The following TNKS variants were observed in gnomAD, a reference collection of about 807,000 sequenced individuals.
TNKS encodes the protein poly [ADP-ribose] polymerase tankyrase-1.
Under a neutral mutation model 135.8 loss-of-function variants are expected in TNKS, and 72 were observed. The observed-to-expected ratio is 0.53, with a 90% CI of 0.44 to 0.64. The LOEUF (loss-of-function observed/expected upper bound fraction) is 0.64. Ranked by LOEUF, TNKS falls within the 30% of genes least tolerant of loss-of-function variation. The probability of loss-of-function intolerance (pLI) is 0.00; values close to 1 mark genes in which losing one functional copy is unlikely to be tolerated. For synonymous variants in TNKS, 849 were observed against 649.3 expected, an observed-to-expected ratio of 1.31 and a Z score of -4.68; for missense variants, 1,769 against 1,674.0, an observed-to-expected ratio of 1.06 and a Z score of -0.99.
chr8:9,594,479 GTAGACA>G (rs1585208560), intron 2 of TNKS, among the ~76,000 whole-genome samples: 1 of 152,184 alleles, frequency 6.6e-6, no homozygotes, highest in Non-Finnish European at 1.5e-5. Context: ...AATGGAGAGT[GTAGACA>G]TAGAAATTTT....
At chr8:9,661,529 G>T (rs201287878) in intron 3 of TNKS, among the ~76,000 whole-genome samples, 1 of 151,546 alleles carries the variant, frequency 6.6e-6, no homozygotes, top group East Asian at 2.0e-4. Context: ...CTGGCTAGCC[G>T]TATGGAGAAA....
intron 26 of TNKS, among the ~76,000 whole-genome samples, chr8:9,773,605 G>A (rs189729850): frequency 3.3e-5 from 5 of 151,892 alleles, no homozygotes; most frequent in African/African-American, 1.2e-4. Flanking sequence ...ATAAGTTTAA[G>A]TTTACTTTTC....
At chr8:9,659,730 A>G (rs1381743570) in intron 3 of TNKS, among the ~76,000 whole-genome samples, 1 of 152,258 alleles carries the variant, frequency 6.6e-6, no homozygotes, top group Non-Finnish European at 1.5e-5. Context: ...AGAAATAAGT[A>G]AGATCAGAGC....
intron 2 of TNKS, among the ~76,000 whole-genome samples, chr8:9,607,461 G>A (rs867973859): frequency 2.0e-4 from 31 of 152,264 alleles, no homozygotes; most frequent in African/African-American, 7.0e-4. Flanking sequence ...TGGACAAATG[G>A]TAGTTTCTTA....
At chr8:9,574,734 G>C (rs567351825) in intron 1 of TNKS, among the ~76,000 whole-genome samples, 1 of 152,152 alleles carries the variant, frequency 6.6e-6, no homozygotes, top group African/African-American at 2.4e-5. Context: ...GGCTATGAAA[G>C]ACTTGATTTT....
intron 22 of TNKS, 57 bp downstream of exon 22, chr8:9,763,301 T>G (rs962217255): frequency 1.6e-6 from 2 of 1,234,758 alleles, no homozygotes; most frequent in Non-Finnish European, 2.3e-6. Flanking sequence ...GATAAACCTC[T>G]TTTTCTGGAA....
At position 9,735,357 on chromosome 8, in the gene TNKS, A is replaced by G. The variant is rs939633623; in HGVS notation, c.2534-20A>G. The G allele has an allele frequency of 1.7e-5, 27 of 1,597,070 alleles. No individual in the cohort carries two copies. Among genetic ancestry groups the G allele is most frequent in the Admixed American group, 1.2e-4 (7 of 59,190 alleles). On this transcript the variant is annotated intron_variant, in intron 16 of 26. Coordinates refer to ENST00000310430, the MANE Select transcript of TNKS (RefSeq NM_003747.3). Reference sequence around the variant, plus strand: ...TCCTTTAAGCTGACACGTTTCCTGTATTTTTTTTACTCTAAATAGCAGGCT... The same window carrying G: ...TCCTTTAAGCTGACACGTTTCCTGTGTTTTTTTTACTCTAAATAGCAGGCT...
intron 20 of TNKS, among the ~76,000 whole-genome samples, chr8:9,754,499 T>C (rs10094989): frequency 0.41 from 62,797 of 151,914 alleles, 13,348 homozygotes; most frequent in African/African-American, 0.48. Context: ...TAAGATTTTT[T>C]TTCTGCTTTC....
chr8:9,766,466 G>A lies in TNKS; in HGVS notation c.3740+41G>A, dbSNP rs528253681. ...TTAGTGTAACGTTTCCCACCCCTAG[G>A]TCACGAACCAAATTGTCTTTTTTTT... On this transcript the variant is annotated intron_variant, in intron 25 of 26. Transcript: ENST00000310430. 58 of 1,361,650 alleles carry A rather than the reference G, an allele frequency of 4.3e-5. 1 individual carries two copies. The South Asian group carries it at 8.8e-4, about 21-fold the overall frequency. 84.3% of individuals were successfully genotyped at this position (1,361,650 alleles called of 1,614,324 possible).
At chr8:9,601,785 A>T (rs934832732) in intron 2 of TNKS, among the ~76,000 whole-genome samples, 2 of 152,176 alleles carry the variant, frequency 1.3e-5, no homozygotes, top group Non-Finnish European at 2.9e-5. Context: ...ATACTTAGAG[A>T]TCATCTTTAC....
At chr8:9,716,530 C>G (rs1001318395) in intron 11 of TNKS, among the ~76,000 whole-genome samples, 8 of 152,064 alleles carry the variant, frequency 5.3e-5, no homozygotes, top group African/African-American at 1.9e-4. Context: ...GTGTTTATTA[C>G]TTCTGTGAGA....
At chr8:9,733,889 A>G (rs1387133729) in intron 15 of TNKS, among the ~76,000 whole-genome samples, 1 of 152,192 alleles carries the variant, frequency 6.6e-6, no homozygotes, top group African/African-American at 2.4e-5. Flanking sequence ...TTATTAAAAC[A>G]TAAGATGATC....
At chr8:9,730,395 G>A (rs960531086) in intron 13 of TNKS, among the ~76,000 whole-genome samples, 1 of 152,182 alleles carries the variant, frequency 6.6e-6, no homozygotes. Flanking sequence ...CTTTGCTACA[G>A]TCAATCAAAA....
chr8:9,676,116 G>C (rs1273103443), intron 3 of TNKS, among the ~76,000 whole-genome samples: 1 of 150,474 alleles, frequency 6.6e-6, no homozygotes, highest in East Asian at 2.0e-4. Context: ...GGATTCAAGA[G>C]ATTCTCCTGC....
chr8:9,630,109 C>T (rs915326356), intron 3 of TNKS, among the ~76,000 whole-genome samples: 1 of 152,224 alleles, frequency 6.6e-6, no homozygotes, highest in Non-Finnish European at 1.5e-5. Flanking sequence ...GTGTCTCCCA[C>T]TGTCTGCAGT....
intron 3 of TNKS, among the ~76,000 whole-genome samples, chr8:9,642,934 C>G (rs1018614683): frequency 1.4e-5 from 2 of 146,076 alleles, no homozygotes; most frequent in African/African-American, 5.1e-5. Context: ...TGATTATACT[C>G]TACCCCCATA....
intron 2 of TNKS, among the ~76,000 whole-genome samples, chr8:9,595,412 A>C (rs866224820): frequency 1.3e-5 from 2 of 152,110 alleles, no homozygotes; most frequent in Non-Finnish European, 2.9e-5. Context: ...ATCTCCGCTG[A>C]CACTGAGTAC....
In TNKS at chr8:9,763,189, C is replaced by T. The variant is rs150495385; in HGVS notation, c.3317C>T (p.Thr1106Met). The T allele has an allele frequency of 6.9e-6, 11 of 1,605,764 alleles. No homozygotes were observed. The East Asian group carries it at 1.1e-4, about 16-fold the overall frequency. Residue 1106 changes from threonine (T) to methionine (M), a missense_variant, in exon 22 of 27, where the codon ACG becomes ATG. Transcript: ENST00000310430. ...YLTFHCVNQG[T>M]ILLDLAPEDK... Reference sequence around the variant, plus strand: ...ACTTTTCACTGTGTTAATCAGGGAACGATTTTGCTGGATCTTGCTCCAGAA... The same window carrying T: ...ACTTTTCACTGTGTTAATCAGGGAATGATTTTGCTGGATCTTGCTCCAGAA...
intron 2 of TNKS, among the ~76,000 whole-genome samples, chr8:9,595,583 G>C: frequency 6.6e-6 from 1 of 151,804 alleles, no homozygotes; most frequent in East Asian, 1.9e-4. Flanking sequence ...CTTATTAATT[G>C]TGTTTTATTA....
Sources: gnomAD v4.1 joint callset for allele counts (sites outside exome capture counted in the v4.1 genomes callset) on GRCh38, gnomAD v4.1.1 for gene constraint, MANE v1.5 for transcripts, NCBI Gene and HGNC (gene_info 2026-07-23, HGNC 2026-07-21) for gene names.